Variants in RSPH4A observed in about 807,000 individuals in gnomAD.
RSPH4A encodes radial spoke head protein 4 homolog A.
Under a neutral mutation model 71.0 loss-of-function variants are expected in RSPH4A, and 47 were observed. That is an observed-to-expected ratio of 0.66 (90% CI 0.52 to 0.84). The LOEUF (loss-of-function observed/expected upper bound fraction) is 0.84. Ranked by LOEUF, RSPH4A falls within the 40% of genes least tolerant of loss-of-function variation. The pLI, the probability that RSPH4A is intolerant of heterozygous loss-of-function variation, is 0.00. For missense variants in RSPH4A, 793 were observed against 855.2 expected (o/e 0.93, Z 0.91); for synonymous variants, 282 against 302.3 (o/e 0.93, Z 0.70).
In RSPH4A at chr6:116,632,404, C is replaced by CTGAGGAAGATGAAGA. The variant is rs767487398; in HGVS notation, c.2127_2141dup (p.Glu709_Asp713dup). On this transcript the variant is annotated inframe_insertion, in exon 6 of 6. Transcript: ENST00000229554. ...CTACTCGCAGCTGAGAATGAAGAATCTGAGGAAGATGAAGATGAGGAAGAT... is the reference window on the plus strand; with the variant it reads ...CTACTCGCAGCTGAGAATGAAGAATCTGAGGAAGATGAAGATGAGGAAGATGAAGATGAGGAAGAT... 1 of 1,613,740 alleles carries CTGAGGAAGATGAAGA rather than the reference C, an allele frequency of 6.2e-7. No homozygotes were observed. The highest frequency in any genetic ancestry group is 8.5e-7 in the Non-Finnish European group (1 of 1,179,864).
intron 5 of RSPH4A, among the ~76,000 whole-genome samples, chr6:116,631,282 G>C (rs1265418463): frequency 6.6e-6 from 1 of 152,318 alleles, no homozygotes; most frequent in African/African-American, 2.4e-5. Context: ...CCAGGTGTTA[G>C]AGTAGCCATT....
chr6:116,628,335 A>G lies in RSPH4A; in HGVS notation c.1628A>G (p.Asn543Ser), dbSNP rs147813674. 14 of 1,612,870 alleles carry G rather than the reference A, an allele frequency of 8.7e-6. No homozygotes were observed. Among genetic ancestry groups the G allele is most frequent in the Admixed American group, 3.3e-5 (2 of 59,790 alleles). The part of the protein sequence containing the change: ...QVIDLVESLS[N>S]WVHHVQHILS... Reference sequence around the variant, plus strand: ...ATTGATCTAGTAGAATCCCTATCCAATTGGGTTCATCATGTACAGCATATT... The same window carrying G: ...ATTGATCTAGTAGAATCCCTATCCAGTTGGGTTCATCATGTACAGCATATT... The change falls in exon 3 of 6, where the codon AAT (asparagine) becomes AGT (serine). Residue 543 changes from asparagine (N) to serine (S), a missense_variant. Transcript: ENST00000229554.
In RSPH4A at chr6:116,616,557, T is replaced by A; in HGVS notation, c.-67T>A. 7.3e-7 allele frequency: 1 copy of A among 1,368,552 alleles called. No homozygotes were observed. The highest frequency in any genetic ancestry group is 1.2e-5 in the South Asian group (1 of 80,844). 84.8% of individuals were successfully genotyped at this position (1,368,552 alleles called of 1,614,324 possible). On this transcript the variant is annotated 5_prime_UTR_variant, in exon 1 of 6. Transcript: ENST00000229554. Reference sequence around the variant, plus strand: ...AGAGACCGCGGCAAAGTAACTTAACTGAGTTGCCTTCTTCCATATTTTCAC... The same window carrying A: ...AGAGACCGCGGCAAAGTAACTTAACAGAGTTGCCTTCTTCCATATTTTCAC...
In RSPH4A at chr6:116,622,977, T is replaced by C. The variant is rs750281532; in HGVS notation, c.896T>C (p.Val299Ala). Residue 299 changes from valine (V) to alanine (A), a missense_variant, in exon 2 of 6, where the codon GTT (valine) becomes GCT (alanine). By Grantham distance (64) the Val-to-Ala change is moderately conservative. Transcript: ENST00000229554. ...TTTCTCCAGGGACATTTGGAAGGAG[T>C]TGACCAAGAATTGGAAGATGAAATA... ...ALFLQGHLEG[V>A]DQELEDEIAE... is the part of the protein sequence containing the mutation. 7.8e-5 allele frequency: 125 copies of C among 1,610,752 alleles called. No individual in the cohort carries two copies. The highest frequency in any genetic ancestry group is 1.0e-4 in the Non-Finnish European group (120 of 1,177,282).
chr6:116,632,871 T>TTA lies in RSPH4A; in HGVS notation c.*431_*432dup. 1 of 205,892 alleles carries TTA rather than the reference T, an allele frequency of 4.9e-6. No homozygotes were observed. Among genetic ancestry groups the TTA allele is most frequent in the Non-Finnish European group, 1.0e-5 (1 of 100,490 alleles). The allele number at this position is 205,892 out of a possible 1,614,324, so 12.8% of individuals were successfully genotyped here. Reference sequence around the variant, plus strand: ...AAATTCTTGGAAACATCAATACTTTTTAAAGAGTGTCAAGGGGTATGAAGA... The same window carrying TTA: ...AAATTCTTGGAAACATCAATACTTTTTATAAAGAGTGTCAAGGGGTATGAAGA... On this transcript the variant is annotated 3_prime_UTR_variant, in exon 6 of 6. Transcript: ENST00000229554.
At position 116,632,269 on chromosome 6, in the gene RSPH4A, C is replaced by T; in HGVS notation, c.1979C>T (p.Pro660Leu). 1.9e-6 allele frequency: 3 copies of T among 1,612,616 alleles called. No homozygotes were observed. Residue 660 changes from proline to leucine, a missense_variant, in exon 6 of 6, where the codon CCA becomes CTA. Physicochemically the swap from Pro to Leu is moderately conservative, Grantham distance 98. Transcript: ENST00000229554. The stretch of plus-strand genomic sequence containing the variant: ...TATAGTCCAGACAATTATACACCCC[C>T]AGTTCCACCACCAGTTTATCAAGAA... ...HKYSPDNYTP[P>L]VPPPVYQEYP...
rs1434812409 is a variant in RSPH4A, at chr6:116,632,546, T to C, written c.*105T>C. The C allele has an allele frequency of 1.1e-5, 15 of 1,339,486 alleles. No individual in the cohort carries two copies. The highest frequency in any genetic ancestry group is 2.6e-5 in the Admixed American group (1 of 38,302). The allele number at this position is 1,339,486 out of a possible 1,614,324, so 83.0% of individuals were successfully genotyped here. ...TGTTATGTGTGTATATACATACACA[T>C]GTAAGAAATTATTCAACTGCAAAAT... On this transcript the variant is annotated 3_prime_UTR_variant, in exon 6 of 6. Coordinates refer to ENST00000229554, the MANE Select transcript of RSPH4A (RefSeq NM_001010892.3).
intron 2 of RSPH4A, among the ~76,000 whole-genome samples, chr6:116,625,374 G>T (rs778394610): frequency 6.6e-6 from 1 of 152,158 alleles, no homozygotes; most frequent in Non-Finnish European, 1.5e-5. Flanking sequence ...TGGAAAAGTC[G>T]ATTGTGGGTT....
intron 2 of RSPH4A, among the ~76,000 whole-genome samples, chr6:116,625,415 G>A (rs1193705616): frequency 6.6e-6 from 1 of 152,178 alleles, no homozygotes; most frequent in Admixed American, 6.5e-5. Context: ...AGCAAACAGA[G>A]TGCTTAAAGC....
At chr6:116,625,523 G>C (rs961304884) in intron 2 of RSPH4A, among the ~76,000 whole-genome samples, 23 of 152,104 alleles carry the variant, frequency 1.5e-4, no homozygotes, top group African/African-American at 5.5e-4. Flanking sequence ...GGTTTAGAAA[G>C]ATAACTCTGA....
intron 2 of RSPH4A, among the ~76,000 whole-genome samples, chr6:116,627,290 C>T (rs945971922): frequency 1.3e-5 from 2 of 152,188 alleles, no homozygotes; most frequent in Admixed American, 6.5e-5. Context: ...ACTTCCGCCT[C>T]CCGGGTTCAA....
At position 116,622,955 on chromosome 6, in the gene RSPH4A, C is replaced by T; in HGVS notation, c.874C>T (p.Leu292Phe). 1 of 1,613,604 alleles carries T rather than the reference C, an allele frequency of 6.2e-7. No individual in the cohort carries two copies. The highest frequency in any genetic ancestry group is 8.5e-7 in the Non-Finnish European group (1 of 1,179,686). Residue 292 changes from leucine (L) to phenylalanine (F), a missense_variant, in exon 2 of 6, where the codon CTC becomes TTC. Transcript: ENST00000229554. ...EIAEKQKALF[L>F]QGHLEGVDQE... ...AGCAGAAAAGCAAAAGGCTCTTTTT[C>T]TCCAGGGACATTTGGAAGGAGTTGA...
chr6:116,617,377 A>G (rs1775528659), intron 1 of RSPH4A, 68 bp downstream of exon 1: 1 of 1,125,246 alleles, frequency 8.9e-7, no homozygotes, highest in Non-Finnish European at 1.3e-6. Flanking sequence ...TCTCTGTGTG[A>G]GAGTGTGTTT....
Position 116,617,097 on chromosome 6 carries a change from C to A in RSPH4A, c.474C>A (p.Pro158=). The A allele has an allele frequency of 6.2e-7, 1 of 1,614,208 alleles. No individual in the cohort carries two copies. The highest frequency in any genetic ancestry group is 8.5e-7 in the Non-Finnish European group (1 of 1,180,028). The change falls in exon 1 of 6, where the codon CCC becomes CCA. Residue 158 remains proline, a synonymous_variant. Coordinates refer to ENST00000229554, the MANE Select transcript of RSPH4A (RefSeq NM_001010892.3). ...NTFQQSQQPK[P]HLCGRRDVSY... ...TTCAACAGTCTCAGCAACCCAAACC[C>A]CACCTGTGTGGACGAAGGGACGTGA...
intron 4 of RSPH4A, 108 bp from the exon 5 acceptor site, chr6:116,630,327 C>CTGTGTGTGTGCATGCA: frequency 1.3e-6 from 1 of 765,356 alleles, no homozygotes; most frequent in Non-Finnish European, 2.4e-6. Flanking sequence ...ATGTGTGTAT[C>CTGTGTGTGTGCATGCA]TGTGTGTGTG....
intron 2 of RSPH4A, among the ~76,000 whole-genome samples, chr6:116,624,403 T>C (rs1775660618): frequency 6.6e-6 from 1 of 152,124 alleles, no homozygotes; most frequent in South Asian, 2.1e-4. Context: ...GACTCCAGGG[T>C]AAGAATGGGT....
rs771858822 is a variant in RSPH4A, at chr6:116,628,030, G to A, written c.1323G>A (p.Trp441Ter). 6.2e-7 allele frequency: 1 copy of A among 1,613,990 alleles called. No homozygotes were observed. The highest frequency in any genetic ancestry group is 8.5e-7 in the Non-Finnish European group (1 of 1,180,026). Residue 441 changes from tryptophan to a stop codon, truncating the protein, a stop_gained, in exon 3 of 6, where the codon TGG becomes TGA. Transcript: ENST00000229554. LOFTEE classifies it high-confidence loss of function. ...YFVCNEPGRP[W>*]VKLPPVIPAQ... ...TTTGCAATGAACCAGGAAGACCATG[G>A]GTGAAGTTACCACCAGTTATACCTG...
rs543313694 is a variant in RSPH4A, at chr6:116,626,006, C to T, written c.922-1623C>T. ...TCCAAGCATAAAGAGTTGAGAGATG[C>T]GATAAGTGAAAAGGATATTTTGACA... On this transcript the variant is annotated intron_variant, in intron 2 of 5. Coordinates refer to ENST00000229554, the MANE Select transcript of RSPH4A (RefSeq NM_001010892.3). 4.6e-5 allele frequency among the ~76,000 whole-genome samples: 7 copies of T among 152,026 alleles called. No individual in the cohort carries two copies. In the South Asian group the frequency reaches 1.0e-3, roughly 23 times the overall value.
chr6:116,619,720 T>C (rs1013297352), intron 1 of RSPH4A, among the ~76,000 whole-genome samples: 20 of 149,670 alleles, frequency 1.3e-4, no homozygotes, highest in Admixed American at 5.4e-4. Flanking sequence ...ATTTATTAGT[T>C]AATTTTTTTT....
Sources: gnomAD v4.1 joint callset for allele counts (sites outside exome capture counted in the v4.1 genomes callset) on GRCh38, gnomAD v4.1.1 for gene constraint, MANE v1.5 for transcripts, NCBI Gene and HGNC (gene_info 2026-07-23, HGNC 2026-07-21) for gene names.